The following PLD1 variants were observed in gnomAD, a reference collection of about 807,000 sequenced individuals.
PLD1 encodes the protein phospholipase D1, also known as choline phosphatase 1.
Under a neutral mutation model 137.1 loss-of-function variants are expected in PLD1, and 112 were observed. That is an observed-to-expected ratio of 0.82 (90% CI 0.70 to 0.96). The LOEUF (loss-of-function observed/expected upper bound fraction) is 0.96. PLD1 is among the 40% of genes least tolerant of loss of function. PLD1 has a pLI of 0.00. For missense variants in PLD1, 1,321 were observed against 1,342.0 expected (o/e 0.98, Z 0.24); for synonymous variants, 431 against 454.7 (o/e 0.95, Z 0.66).
chr3:171,648,861 A>C (rs1395069001), intron 21 of PLD1, among the ~76,000 whole-genome samples: 2 of 152,200 alleles, frequency 1.3e-5, no homozygotes, highest in Non-Finnish European at 2.9e-5. Context: ...GCCAGAACAT[A>C]GTTACTTTTT....
intron 21 of PLD1, 67 bp from the exon 22 acceptor site, chr3:171,645,090 C>T: frequency 2.0e-6 from 2 of 980,184 alleles, no homozygotes; most frequent in Non-Finnish European, 3.3e-6. Flanking sequence ...TAGATGACAG[C>T]CAAGCAGTTC....
chr3:171,727,494 A>G (rs539632915), intron 6 of PLD1, among the ~76,000 whole-genome samples: 1 of 152,344 alleles, frequency 6.6e-6, no homozygotes, highest in East Asian at 1.9e-4. Flanking sequence ...CGTTTTGAAA[A>G]GTGACCAACA....
chr3:171,669,562 C>T (rs1019395876), intron 19 of PLD1, among the ~76,000 whole-genome samples: 1 of 152,212 alleles, frequency 6.6e-6, no homozygotes, highest in East Asian at 1.9e-4. Context: ...CCATAACGCC[C>T]AGCTAATTTT....
At chr3:171,702,117 A>C (rs2108546871) in intron 11 of PLD1, among the ~76,000 whole-genome samples, 1 of 152,304 alleles carries the variant, frequency 6.6e-6, no homozygotes, top group Non-Finnish European at 1.5e-5. Flanking sequence ...ATACAGAGAA[A>C]ATTCAATGAA....
intron 8 of PLD1, among the ~76,000 whole-genome samples, chr3:171,715,002 C>T (rs992160764): frequency 6.6e-6 from 1 of 152,156 alleles, no homozygotes; most frequent in Admixed American, 6.5e-5. Flanking sequence ...TGGATTTCCT[C>T]CAAAACTAAA....
chr3:171,661,128 AG>A lies in PLD1; in HGVS notation c.2340+931del, dbSNP rs1737633714. 1.3e-5 allele frequency among the ~76,000 whole-genome samples: 2 copies of A among 152,198 alleles called. 1 individual carries two copies. Among genetic ancestry groups the A allele is most frequent in the South Asian group, 4.1e-4 (2 of 4,834 alleles). On this transcript the variant is annotated intron_variant, in intron 20 of 26. Coordinates refer to ENST00000351298, the MANE Select transcript of PLD1 (RefSeq NM_002662.5). ...CCATTCAGGATACCACACTGCATTT[AG>A]CCAGCTAATATATTATATTTAACTT...
Position 171,682,166 on chromosome 3 carries a change from A to AAG in PLD1, c.1868-4473_1868-4472insCT, listed in dbSNP as rs1553819289. 7.1e-3 allele frequency among the ~76,000 whole-genome samples: 208 copies of AAG among 29,416 alleles called. 3 individuals carry two copies. The highest frequency in any genetic ancestry group is 0.015 in the African/African-American group (84 of 5,578). The allele number at this position is 29,416 out of a possible 152,430, so 19.3% of individuals were successfully genotyped here. A position where few individuals can be genotyped will look rare whatever the true frequency, so the allele number is the denominator to read the frequency against. ...AAAGAAAGAAAGAAAGAAAGAAAGA[A>AAG]AAAGAAAGAAAGAAAGAAAGAAAGG... is the stretch of plus-strand genomic sequence containing the variant. On this transcript the variant is annotated intron_variant, in intron 16 of 26. Transcript: ENST00000351298.
chr3:171,741,083 G>C (rs892239926), intron 1 of PLD1, among the ~76,000 whole-genome samples: 8 of 152,284 alleles, frequency 5.3e-5, no homozygotes, highest in African/African-American at 1.9e-4. Flanking sequence ...TACCTTGGAA[G>C]GGATCATACT....
Position 171,687,448 on chromosome 3 carries a change from T to G in PLD1, c.1676A>C (p.Lys559Thr). The G allele has an allele frequency of 6.2e-7, 1 of 1,614,080 alleles. No homozygotes were observed. The highest frequency in any genetic ancestry group is 1.1e-5 in the South Asian group (1 of 91,078). Reference sequence around the variant, plus strand: ...GTGGAGCTGCTTGTAGAGACTAAATTTGGAGAACTTTCTTGGCTTTCCTAT... The same window carrying G: ...GTGGAGCTGCTTGTAGAGACTAAATGTGGAGAACTTTCTTGGCTTTCCTAT... ...KGIGKPRKFS[K>T]FSLYKQLHRH... The change falls in exon 15 of 27, where the codon AAA (lysine) becomes ACA (threonine). Residue 559 changes from lysine to threonine, a missense_variant. Coordinates refer to ENST00000351298, the MANE Select transcript of PLD1 (RefSeq NM_002662.5).
At chr3:171,768,193 C>T (rs1722107581) in intron 1 of PLD1, among the ~76,000 whole-genome samples, 1 of 152,026 alleles carries the variant, frequency 6.6e-6, no homozygotes, top group Non-Finnish European at 1.5e-5. Flanking sequence ...TATACTCTAT[C>T]CTCAACTTTT....
At position 171,602,025 on chromosome 3, in the gene PLD1, C is replaced by T. The variant is rs190855374; in HGVS notation, c.*1053G>A. ...TCAAAGAAGATAATGTAGCAGAAGA[C>T]CTGAATGTCAAACAAGGTTAGACTC... On this transcript the variant is annotated 3_prime_UTR_variant, in exon 27 of 27. Coordinates refer to ENST00000351298, the MANE Select transcript of PLD1 (RefSeq NM_002662.5). The T allele has an allele frequency of 1.3e-5, 2 of 152,214 alleles. No homozygotes were observed. The highest frequency in any genetic ancestry group is 3.9e-4 in the East Asian group (2 of 5,186). The allele number at this position is 152,214 out of a possible 1,614,324, so 9.4% of individuals were successfully genotyped here.
chr3:171,752,903 T>C (rs1190619998), intron 1 of PLD1, among the ~76,000 whole-genome samples: 1 of 152,212 alleles, frequency 6.6e-6, no homozygotes, highest in African/African-American at 2.4e-5. Context: ...CTGTAATGCC[T>C]GGCACACATG....
At chr3:171,792,273 C>T (rs2108351692) in intron 1 of PLD1, 1 of 244,772 alleles carries the variant, frequency 4.1e-6, no homozygotes, top group East Asian at 1.2e-4. Context: ...CTTTCCCTGT[C>T]TCACAGCCCA....
At chr3:171,768,125 G>A (rs1722103823) in intron 1 of PLD1, among the ~76,000 whole-genome samples, 1 of 152,006 alleles carries the variant, frequency 6.6e-6, no homozygotes, top group Non-Finnish European at 1.5e-5. Context: ...ACTTAAATTG[G>A]GTTCTTCAGA....
intron 6 of PLD1, among the ~76,000 whole-genome samples, chr3:171,732,908 G>A (rs992907262): frequency 3.3e-5 from 5 of 152,216 alleles, no homozygotes; most frequent in East Asian, 1.9e-4. Context: ...AAGCCCCATC[G>A]CCTCTTCTTT....
chr3:171,628,765 T>C lies in PLD1; in HGVS notation c.2594-8245A>G, dbSNP rs1415829552. Among the ~76,000 whole-genome samples, 4 of 152,182 alleles carry C rather than the reference T, an allele frequency of 2.6e-5. No homozygotes were observed. In the East Asian group the frequency reaches 7.7e-4, roughly 29 times the overall value. ...AACAGAACCAAAGACAAAAACCACG[T>C]GATTATCTCAATAGATGCAGAAAAG... On this transcript the variant is annotated intron_variant, in intron 23 of 26. Coordinates refer to ENST00000351298, the MANE Select transcript of PLD1 (RefSeq NM_002662.5).
intron 16 of PLD1, among the ~76,000 whole-genome samples, chr3:171,678,742 G>C (rs1209949621): frequency 6.6e-6 from 1 of 152,188 alleles, no homozygotes; most frequent in Non-Finnish European, 1.5e-5. Context: ...GGAAGCTCAA[G>C]TCCTAAGGGC....
At chr3:171,608,431 C>A (rs1241537557) in intron 25 of PLD1, among the ~76,000 whole-genome samples, 1 of 152,038 alleles carries the variant, frequency 6.6e-6, no homozygotes, top group Non-Finnish European at 1.5e-5. Context: ...ATTCTAAAGT[C>A]CATGTGGAAG....
chr3:171,714,098 GAA>G, intron 8 of PLD1, 53 bp from the exon 9 acceptor site: 2 of 1,104,966 alleles, frequency 1.8e-6, no homozygotes, highest in Non-Finnish European at 2.7e-6. Flanking sequence ...AATAAAACGA[GAA>G]GAACTAATCA....
Sources: gnomAD v4.1 joint callset for allele counts (sites outside exome capture counted in the v4.1 genomes callset) on GRCh38, gnomAD v4.1.1 for gene constraint, MANE v1.5 for transcripts, NCBI Gene and HGNC (gene_info 2026-07-23, HGNC 2026-07-21) for gene names.